Variants in INF2 observed in about 807,000 individuals in gnomAD.
INF2 encodes the protein inverted formin-2.
INF2 carries 43 observed loss-of-function variants against 123.5 expected under a neutral mutation model. The ratio of observed to expected loss-of-function variants is 0.35; its 90% CI spans 0.27 to 0.45. INF2 has a LOEUF of 0.45. Ranked by LOEUF, INF2 falls within the 20% of genes least tolerant of loss-of-function variation. INF2 has a pLI of 1.00. For missense variants in INF2, 1,453 were observed against 1,682.7 expected (o/e 0.86, Z 2.39); for synonymous variants, 851 against 745.0 (o/e 1.14, Z -2.32).
chr14:104,683,765 G>A (rs1027510755), intron 1 of INF2, among the ~76,000 whole-genome samples: 1 of 152,112 alleles, frequency 6.6e-6, no homozygotes, highest in Non-Finnish European at 1.5e-5. Flanking sequence ...TTCCCTCCAA[G>A]ATCATCAGGC....
In INF2 at chr14:104,699,589, G is replaced by C. The variant is rs1195440449; in HGVS notation, c.-9-1768G>C. ...TGGGCAGAGGTGGCCGGAAGGTCTT[G>C]CGCATCTGGGTGAGTGGACGGCCAC... On this transcript the variant is annotated intron_variant, in intron 1 of 22. Coordinates refer to ENST00000392634, the MANE Select transcript of INF2 (RefSeq NM_022489.4). The surrounding 1 kb of genome is among the most constrained non-coding windows in gnomAD (Gnocchi z 4.7). The C allele has an allele frequency of 1.0e-6, 1 of 984,724 alleles. No individual in the cohort carries two copies. The highest frequency in any genetic ancestry group is 5.3e-4 in the Middle Eastern group (1 of 1,904). 61.0% of individuals were successfully genotyped at this position (984,724 alleles called of 1,614,324 possible). A position where few individuals can be genotyped will look rare whatever the true frequency, so the allele number is the denominator to read the frequency against.
intron 6 of INF2, 74 bp downstream of exon 6, chr14:104,706,250 T>TCAG: frequency 6.9e-7 from 1 of 1,451,636 alleles, no homozygotes; most frequent in Non-Finnish European, 9.3e-7. Flanking sequence ...AGGCTGGGCC[T>TCAG]GGAACGGTCC....
At chr14:104,709,531 G>A in intron 11 of INF2, 89 bp from the exon 12 acceptor site, 1 of 1,328,702 alleles carries the variant, frequency 7.5e-7, no homozygotes, top group Non-Finnish European at 1.1e-6. Context: ...GAGCCATGAT[G>A]GGCACTGGAG....
upstream of INF2, chr14:104,689,529 C>T: frequency 1.3e-6 from 1 of 746,152 alleles, no homozygotes; most frequent in Non-Finnish European, 1.6e-6. Flanking sequence ...CCAGGCCCCG[C>T]CCCCGGCCCG....
chr14:104,691,546 T>C (rs1566772305), intron 1 of INF2, among the ~76,000 whole-genome samples: 2 of 152,104 alleles, frequency 1.3e-5, no homozygotes, highest in Admixed American at 6.5e-5. Context: ...AGTGGACACA[T>C]TACATTGGAG....
Position 104,708,470 on chromosome 14 carries a change from C to G in INF2, c.1770C>G (p.Pro590=). Residue 590 remains proline, a synonymous_variant, in exon 9 of 23, where the codon CCC becomes CCG. Transcript: ENST00000392634. ...HNSMWASLSS[P]DAEAVEPDFS... The stretch of plus-strand genomic sequence containing the variant: ...CTATGTGGGCGTCCCTGAGCAGCCC[C>G]GACGCCGAGGCTGTGGAGCCCGACT... 6.2e-7 allele frequency: 1 copy of G among 1,612,494 alleles called. No homozygotes were observed. The highest frequency in any genetic ancestry group is 8.5e-7 in the Non-Finnish European group (1 of 1,179,800).
rs1283956522 is a variant in INF2, at chr14:104,701,474, C to T, written c.109C>T (p.Leu37=). The change falls in exon 2 of 23, where the codon CTG becomes TTG. Residue 37 remains leucine, a synonymous_variant. Transcript: ENST00000392634. ...EANLESADPE[L]CIRLLQMPSV... ...CAACCTGGAGAGCGCGGACCCCGAG[C>T]TGTGCATCCGGCTGCTCCAGATGCC... 1.9e-6 allele frequency: 3 copies of T among 1,601,614 alleles called. No homozygotes were observed. Among genetic ancestry groups the T allele is most frequent in the South Asian group, 1.1e-5 (1 of 89,100 alleles).
chr14:104,712,410 G>T (rs887526469), intron 16 of INF2, 23 bp from the exon 17 acceptor site: 4 of 1,611,700 alleles, frequency 2.5e-6, no homozygotes, highest in Admixed American at 3.3e-5. Context: ...TGCTGTCTCT[G>T]CCCGGCCCTC....
intron 2 of INF2, 51 bp from the exon 3 acceptor site, chr14:104,703,054 A>T: frequency 6.9e-7 from 1 of 1,442,060 alleles, no homozygotes; most frequent in Non-Finnish European, 9.7e-7. Flanking sequence ...CTGCACAGGC[A>T]TGGGAAGGGG....
Position 104,718,898 on chromosome 14 carries a change from C to T in INF2, c.*105C>T, listed in dbSNP as rs1343841582. ...CTGGGGGCCAGGCTGGGACTGGGCCCCGGAAACCAAAACTCCGTGCCTTAC... is the reference window on the plus strand; with the variant it reads ...CTGGGGGCCAGGCTGGGACTGGGCCTCGGAAACCAAAACTCCGTGCCTTAC... On this transcript the variant is annotated 3_prime_UTR_variant, in exon 23 of 23. Transcript: ENST00000392634. 21 of 1,555,602 alleles carry T rather than the reference C, an allele frequency of 1.3e-5. No homozygotes were observed. Among genetic ancestry groups the T allele is most frequent in the Non-Finnish European group, 1.8e-5 (21 of 1,158,200 alleles).
rs749166924 is a variant in INF2, at chr14:104,703,874, G to T, written c.668-42G>T. Reference sequence around the variant, plus strand: ...GCAGAAGTGAAATGGGGAAGGCGGGGAGTGGCCTCCGAACCCTCTGACCCT... The same window carrying T: ...GCAGAAGTGAAATGGGGAAGGCGGGTAGTGGCCTCCGAACCCTCTGACCCT... On this transcript the variant is annotated intron_variant, in intron 4 of 22. Transcript: ENST00000392634. 8 of 1,610,352 alleles carry T rather than the reference G, an allele frequency of 5.0e-6. No individual in the cohort carries two copies. In the South Asian group the frequency reaches 8.8e-5, roughly 18 times the overall value.
At chr14:104,700,980 C>T (rs7159866) in intron 1 of INF2, 66,032 of 556,510 alleles carry the variant, frequency 0.12, 6,297 homozygotes, top group African/African-American at 0.41. Context: ...AATGTTCCAG[C>T]CAGGGGAGCC....
In INF2 at chr14:104,714,752, C is replaced by T. The variant is rs372714774; in HGVS notation, c.3590C>T (p.Ala1197Val). Residue 1197 changes from alanine (A) to valine (V), a missense_variant, in exon 21 of 23, where the codon GCG becomes GTG. This residue lies in a region of INF2 where 344 missense variants were observed against 333.1 expected (regional missense o/e 1.03). Transcript: ENST00000392634. Reference protein sequence around the residue: ...TSLDKSFSEDAVTDSSGSGTL... With the variant: ...TSLDKSFSEDVVTDSSGSGTL... ...CTGGACAAGTCCTTCTCCGAGGATGCGGTGACCGACTCCTCGGGGTCGGGC... is the reference window on the plus strand; with the variant it reads ...CTGGACAAGTCCTTCTCCGAGGATGTGGTGACCGACTCCTCGGGGTCGGGC... The T allele has an allele frequency of 3.4e-5, 54 of 1,599,688 alleles. No individual in the cohort carries two copies. The Middle Eastern group carries it at 5.0e-4, about 15-fold the overall frequency.
intron 15 of INF2, 96 bp downstream of exon 15, chr14:104,711,282 C>A: frequency 9.3e-7 from 1 of 1,074,392 alleles, no homozygotes; most frequent in Non-Finnish European, 1.4e-6. Context: ...GCCCACCACT[C>A]AGGCCGCCGG....
At position 104,684,229 on chromosome 14, in the gene INF2, C is replaced by A. The variant is rs564639079; in HGVS notation, c.-104+2647C>A. 2.3e-6 allele frequency: 1 copy of A among 440,458 alleles called. No individual in the cohort carries two copies. The highest frequency in any genetic ancestry group is 4.6e-6 in the Non-Finnish European group (1 of 217,468). The allele number at this position is 440,458 out of a possible 1,614,324, so 27.3% of individuals were successfully genotyped here. A position where few individuals can be genotyped will look rare whatever the true frequency, so the allele number is the denominator to read the frequency against. On this transcript the variant is annotated intron_variant, in intron 1 of 2. Coordinates refer to the INF2 transcript ENST00000674723. This position sits in a 1 kb window ranked among gnomAD's most constrained non-coding sequence, Gnocchi z 5.0. ...ACAACTGAGGCAACCGAGAAGGAGGCTGGGGAGGGACAGCTCGAGGGCTCA... is the reference window on the plus strand; with the variant it reads ...ACAACTGAGGCAACCGAGAAGGAGGATGGGGAGGGACAGCTCGAGGGCTCA...
At chr14:104,712,794 C>T (rs1294601790) in intron 17 of INF2, 34 bp from the exon 18 acceptor site, 1 of 1,581,234 alleles carries the variant, frequency 6.3e-7, no homozygotes, top group African/African-American at 1.3e-5. Context: ...CCGCGCGGGG[C>T]TCTCACGGGA....
rs1218562289 is a variant in INF2 at position 104,707,714 on chromosome 14, T to G, written c.1447T>G (p.Ser483Ala). ...TCCTCTACCACCACCCCTGCCAGGC[T>G]CCTGTGAGTTCCTGCCCCCACCACC... Reference protein sequence around the residue: ...APPLPPPLPGSCEFLPPPPPP... With the variant: ...APPLPPPLPGACEFLPPPPPP... The change falls in exon 8 of 23, where the codon TCC (serine) becomes GCC (alanine). Residue 483 changes from serine to alanine, a missense_variant. Physicochemically the swap from Ser to Ala is moderately conservative, Grantham distance 99 (BLOSUM62 1). Transcript: ENST00000392634. 3 of 1,035,094 alleles carry G rather than the reference T, an allele frequency of 2.9e-6. No homozygotes were observed. Among genetic ancestry groups the G allele is most frequent in the Non-Finnish European group, 3.9e-6 (3 of 761,026 alleles). 64.1% of individuals were successfully genotyped at this position (1,035,094 alleles called of 1,614,324 possible). A position where few individuals can be genotyped will look rare whatever the true frequency, so the allele number is the denominator to read the frequency against.
intron 12 of INF2, 80 bp downstream of exon 12, chr14:104,709,785 G>A: frequency 1.6e-6 from 2 of 1,283,746 alleles, no homozygotes; most frequent in Admixed American, 1.7e-5. Context: ...GGCCCAGCCA[G>A]GGAGGAGAAG....
Position 104,714,782 on chromosome 14 carries a change from TC to T in INF2, c.3624del (p.Arg1209GlyfsTer39). ...AVTDSSGSGT[L>X]PRARGRASKG... is the part of the protein sequence containing the mutation. ...ACCGACTCCTCGGGGTCGGGCACAC[TC>T]CCCAGGGCCCGGGGCCGGGCCTCAA... On this transcript the variant is annotated frameshift_variant, in exon 21 of 23. Transcript: ENST00000392634. LOFTEE classifies it high-confidence loss of function. 1 of 1,598,452 alleles carries T rather than the reference TC, an allele frequency of 6.3e-7. No individual in the cohort carries two copies.
Sources: allele counts gnomAD v4.1 joint callset (sites outside exome capture counted in the v4.1 genomes callset), GRCh38; gene constraint gnomAD v4.1.1; regional missense constraint gnomAD v4.1.1; non-coding constraint Gnocchi (gnomAD v3.1); transcripts MANE v1.5; gene names NCBI Gene and HGNC (gene_info 2026-07-23, HGNC 2026-07-21).